PTDSS1: variants seen among roughly 807,000 people sequenced by gnomAD.
The protein encoded by PTDSS1 is phosphatidylserine synthase 1, also known as PSS-1.
PTDSS1 carries 45 observed loss-of-function variants against 70.5 expected under a neutral mutation model. The ratio of observed to expected loss-of-function variants is 0.64; its 90% CI spans 0.50 to 0.82. PTDSS1 has a LOEUF of 0.82. Among genes scored for constraint, PTDSS1 ranks in the 40% least tolerant of loss-of-function variants. The pLI, the probability that PTDSS1 is intolerant of heterozygous loss-of-function variation, is 0.00. For missense variants in PTDSS1, 417 were observed against 586.1 expected (o/e 0.71, Z 2.98); for synonymous variants, 188 against 203.8 (o/e 0.92, Z 0.66).
Position 96,262,213 on chromosome 8 carries a change from T to C in PTDSS1, c.173T>C (p.Phe58Ser). Residue 58 changes from phenylalanine to serine, a missense_variant, in exon 1 of 13, where the codon TTT (phenylalanine) becomes TCT (serine). By Grantham distance (155) the Phe-to-Ser change is radical (BLOSUM62 -2). Transcript: ENST00000517309. The surrounding 1 kb of genome is among the most constrained non-coding windows in gnomAD (Gnocchi z 4.4). ...FTIVSLMYFA[F>S]TRDDSVPEDN... ...ATCGTCAGCCTCATGTACTTCGCCT[T>C]TACCAGGTGGGGCGGCCCAGCCGAG... 6.2e-7 allele frequency: 1 copy of C among 1,612,988 alleles called. No homozygotes were observed. The highest frequency in any genetic ancestry group is 1.3e-5 in the African/African-American group (1 of 74,946).
chr8:96,273,732 T>C (rs993448471), intron 2 of PTDSS1, among the ~76,000 whole-genome samples: 15 of 152,240 alleles, frequency 9.9e-5, no homozygotes, highest in Admixed American at 8.5e-4. Context: ...GTTTTTGTTA[T>C]TATCAGTTGA....
intron 1 of PTDSS1, among the ~76,000 whole-genome samples, chr8:96,270,979 A>C (rs1810558410): frequency 6.6e-6 from 1 of 152,238 alleles, no homozygotes; most frequent in Non-Finnish European, 1.5e-5. Flanking sequence ...AGATAATTTT[A>C]AATAGAGACT....
chr8:96,315,098 G>T (rs1563580190), intron 9 of PTDSS1, among the ~76,000 whole-genome samples: 1 of 152,168 alleles, frequency 6.6e-6, no homozygotes, highest in Non-Finnish European at 1.5e-5. Flanking sequence ...TATTGTTTAT[G>T]CCACACTTAG....
chr8:96,289,864 G>A (rs945206026), intron 4 of PTDSS1, among the ~76,000 whole-genome samples: 3 of 152,104 alleles, frequency 2.0e-5, no homozygotes, highest in African/African-American at 4.8e-5. Flanking sequence ...TATCAGTCTT[G>A]GGGGAGAAAG....
chr8:96,313,517 A>G (rs1811241579), intron 9 of PTDSS1, among the ~76,000 whole-genome samples: 1 of 152,332 alleles, frequency 6.6e-6, no homozygotes, highest in Non-Finnish European at 1.5e-5. Context: ...AAAAGAGAGT[A>G]TTGGCCCAGT....
intron 6 of PTDSS1, among the ~76,000 whole-genome samples, chr8:96,303,414 C>T (rs368171212): frequency 1.8e-4 from 27 of 152,048 alleles, no homozygotes; most frequent in African/African-American, 6.3e-4. Flanking sequence ...ATGTTGGAGA[C>T]GTAAAAGTTC....
Position 96,318,438 on chromosome 8 carries a change from C to T in PTDSS1, c.1074-1808C>T, listed in dbSNP as rs73277958. On this transcript the variant is annotated intron_variant, in intron 9 of 12. Coordinates refer to ENST00000517309, the MANE Select transcript of PTDSS1 (RefSeq NM_014754.3). ...GATAATCACACTTATGTCCTGGGCT[C>T]AACACTCCCATCATAGGAGTTATTC... Among the ~76,000 whole-genome samples the T allele has an allele frequency of 3.7e-3, 560 of 152,218 alleles. 2 individuals are homozygous for T. Among genetic ancestry groups the T allele is most frequent in the African/African-American group, 0.012 (508 of 41,530 alleles).
rs1811547085 is a variant in PTDSS1, at chr8:96,333,457, G to T, written c.1313G>T (p.Gly438Val). The change falls in exon 13 of 13, where the codon GGT (glycine) becomes GTT (valine). Residue 438 changes from glycine to valine, a missense_variant and splice_region_variant. Gly to Val is a moderately radical substitution (Grantham distance 109, BLOSUM62 -3). This residue lies in a region of PTDSS1 where 107 missense variants were observed against 122.3 expected (regional missense o/e 0.88). Coordinates refer to ENST00000517309, the MANE Select transcript of PTDSS1 (RefSeq NM_014754.3). ...ISWHHRKGTK[G>V]SEDSPPKHAG... ...GGTGTGCTCTGATTCCTTTGGCCAG[G>T]TTCTGAAGACAGCCCACCCAAGCAT... The T allele has an allele frequency of 6.2e-7, 1 of 1,611,730 alleles. No homozygotes were observed. The highest frequency in any genetic ancestry group is 8.5e-7 in the Non-Finnish European group (1 of 1,177,828).
At chr8:96,319,824 A>G (rs1364797986) in intron 9 of PTDSS1, among the ~76,000 whole-genome samples, 1 of 152,162 alleles carries the variant, frequency 6.6e-6, no homozygotes. Context: ...TATAGGAGGC[A>G]GATACCAGCC....
At chr8:96,292,305 A>AAG (rs1200755619) in intron 4 of PTDSS1, among the ~76,000 whole-genome samples, 5 of 151,512 alleles carry the variant, frequency 3.3e-5, no homozygotes, top group East Asian at 1.9e-4. Context: ...AAAAAAAAAA[A>AAG]AAAAAGAAAA....
At chr8:96,274,413 C>T (rs1323105605) in intron 2 of PTDSS1, among the ~76,000 whole-genome samples, 3 of 152,020 alleles carry the variant, frequency 2.0e-5, no homozygotes, top group East Asian at 1.9e-4. Context: ...TTTTGAGATA[C>T]GAGTCATCTA....
intron 5 of PTDSS1, among the ~76,000 whole-genome samples, chr8:96,296,201 C>T (rs1479497289): frequency 1.4e-5 from 2 of 143,716 alleles, no homozygotes; most frequent in Non-Finnish European, 3.0e-5. Flanking sequence ...TGCAGTGGCA[C>T]GATCTCAGCT....
Position 96,276,980 on chromosome 8 carries a change from G to GCACACACACACA in PTDSS1, c.271+3612_271+3623dup, listed in dbSNP as rs57116529. 1.5e-3 allele frequency among the ~76,000 whole-genome samples: 225 copies of GCACACACACACA among 146,000 alleles called. 1 individual carries two copies. The highest frequency in any genetic ancestry group is 5.7e-3 in the African/African-American group (215 of 37,962). On this transcript the variant is annotated intron_variant, in intron 2 of 12. Coordinates refer to ENST00000517309, the MANE Select transcript of PTDSS1 (RefSeq NM_014754.3). Reference sequence around the variant, plus strand: ...GGCACATACACGCGCGCACGCGCGCGCACACACACACACACACACACACAC... The same window carrying GCACACACACACA: ...GGCACATACACGCGCGCACGCGCGCGCACACACACACACACACACACACACACACACACACAC...
At position 96,333,483 on chromosome 8, in the gene PTDSS1, G is replaced by A. The variant is rs773916228; in HGVS notation, c.1339G>A (p.Ala447Thr). 17 of 1,613,880 alleles carry A rather than the reference G, an allele frequency of 1.1e-5. No individual in the cohort carries two copies. The highest frequency in any genetic ancestry group is 1.4e-5 in the Non-Finnish European group (17 of 1,179,880). Residue 447 changes from alanine (A) to threonine (T), a missense_variant, in exon 13 of 13, where the codon GCA becomes ACA. Physicochemically the swap from Ala to Thr is moderately conservative, Grantham distance 58. Around this residue, in one of 3 missense-constraint regions of PTDSS1, gnomAD observed 107 missense variants for 122.3 expected, o/e 0.88. Transcript: ENST00000517309. Reference protein sequence around the residue: ...KGSEDSPPKHAGNNESHSSRR... With the variant: ...KGSEDSPPKHTGNNESHSSRR... ...TTCTGAAGACAGCCCACCCAAGCAT[G>A]CAGGCAACAACGAAAGCCATTCTTC...
chr8:96,310,781 TC>T (rs1200059563), intron 9 of PTDSS1, among the ~76,000 whole-genome samples: 1 of 152,016 alleles, frequency 6.6e-6, no homozygotes, highest in Non-Finnish European at 1.5e-5. Context: ...TTTTTTTTTT[TC>T]TTTTTGAGAC....
intron 6 of PTDSS1, among the ~76,000 whole-genome samples, chr8:96,301,749 C>G (rs944242976): frequency 1.3e-5 from 2 of 151,708 alleles, no homozygotes; most frequent in African/African-American, 4.8e-5. Context: ...CTTCTGACCT[C>G]AGGTGATCCG....
In PTDSS1 at chr8:96,287,267, C is replaced by T. The variant is rs971640749; in HGVS notation, c.441+121C>T. 3.7e-6 allele frequency: 5 copies of T among 1,362,786 alleles called. No homozygotes were observed. The African/African-American group carries it at 5.8e-5, about 16-fold the overall frequency. 84.4% of individuals were successfully genotyped at this position (1,362,786 alleles called of 1,614,324 possible). The stretch of plus-strand genomic sequence containing the variant: ...TATTTCCTGTGTAGTTACCTAAAAA[C>T]CAGGTCTCTGGGAGGGTTGTTGAGT... On this transcript the variant is annotated intron_variant, in intron 4 of 12. Transcript: ENST00000517309.
chr8:96,319,072 C>T (rs1236208483), intron 9 of PTDSS1, among the ~76,000 whole-genome samples: 1 of 151,910 alleles, frequency 6.6e-6, no homozygotes, highest in Non-Finnish European at 1.5e-5. Flanking sequence ...TGCCACCACG[C>T]CTGGCTAATT....
chr8:96,267,061 C>A (rs1292841364), intron 1 of PTDSS1, among the ~76,000 whole-genome samples: 1 of 152,130 alleles, frequency 6.6e-6, no homozygotes, highest in Non-Finnish European at 1.5e-5. Flanking sequence ...AATTCAAGTT[C>A]ATCTGTTCTG....
Sources: gnomAD v4.1 joint callset for allele counts (sites outside exome capture counted in the v4.1 genomes callset) on GRCh38, gnomAD v4.1.1 for gene constraint, gnomAD v4.1.1 regional missense constraint, Gnocchi (gnomAD v3.1) non-coding constraint, MANE v1.5 for transcripts, NCBI Gene and HGNC (gene_info 2026-07-23, HGNC 2026-07-21) for gene names.